The following PLPPR5 variants were observed in gnomAD, a reference collection of about 807,000 sequenced individuals.
PLPPR5 encodes phospholipid phosphatase-related protein type 5.
A neutral mutation model predicts 33.9 loss-of-function variants in PLPPR5; 16 were observed. The ratio of observed to expected loss-of-function variants is 0.47; its 90% CI spans 0.32 to 0.72. PLPPR5 has a LOEUF of 0.72. Ranked by LOEUF, PLPPR5 falls within the 30% of genes least tolerant of loss-of-function variation. The pLI is 0.03. For missense variants in PLPPR5, 301 were observed against 406.7 expected, an observed-to-expected ratio of 0.74 and a Z score of 2.23; for synonymous variants, 163 against 150.3, an observed-to-expected ratio of 1.08 and a Z score of -0.62.
At chr1:99,000,029 C>G (rs539042636) in intron 1 of PLPPR5, among the ~76,000 whole-genome samples, 1 of 152,086 alleles carries the variant, frequency 6.6e-6, no homozygotes, top group Admixed American at 6.5e-5. Flanking sequence ...TAGCTGCTAG[C>G]GGCCACTGTA....
At chr1:98,915,723 T>C (rs1273862554) in intron 4 of PLPPR5, among the ~76,000 whole-genome samples, 1 of 152,162 alleles carries the variant, frequency 6.6e-6, no homozygotes, top group Non-Finnish European at 1.5e-5. Flanking sequence ...ATTTTTGGCA[T>C]TGTTAAAAAT....
chr1:98,939,229 AT>A (rs1238311371), intron 3 of PLPPR5, among the ~76,000 whole-genome samples: 1 of 151,982 alleles, frequency 6.6e-6, no homozygotes, highest in African/African-American at 2.4e-5. Flanking sequence ...AAAATAAAAA[AT>A]AAATCAATAA....
At chr1:98,907,305 G>C (rs184046111) in intron 5 of PLPPR5, among the ~76,000 whole-genome samples, 1 of 149,554 alleles carries the variant, frequency 6.7e-6, no homozygotes. Context: ...AGGTTCAAGC[G>C]ATTCTCCTGC....
At chr1:99,004,913 T>G, upstream of PLPPR5, 21 of 174,454 alleles carry the variant, frequency 1.2e-4, no homozygotes, top group East Asian at 3.3e-4. Flanking sequence ...GCCCGCCCCC[T>G]GCCCGCCGCA....
chr1:98,952,647 A>G (rs2101211701), intron 3 of PLPPR5, among the ~76,000 whole-genome samples: 1 of 152,322 alleles, frequency 6.6e-6, no homozygotes, highest in East Asian at 1.9e-4. Flanking sequence ...CTGTAATAAT[A>G]GTGCTTTCTA....
chr1:98,929,934 C>T (rs570687586), intron 3 of PLPPR5, among the ~76,000 whole-genome samples: 14 of 152,146 alleles, frequency 9.2e-5, no homozygotes, highest in African/African-American at 2.6e-4. Context: ...GCTTGTGATA[C>T]GAGCAAAAAT....
intron 3 of PLPPR5, among the ~76,000 whole-genome samples, chr1:98,948,505 C>G (rs972460246): frequency 2.6e-5 from 4 of 152,178 alleles, no homozygotes; most frequent in African/African-American, 9.6e-5. Context: ...TTCGCTGCAC[C>G]TCCCATCTCT....
At chr1:98,962,823 T>C (rs987253996) in intron 1 of PLPPR5, among the ~76,000 whole-genome samples, 10 of 152,076 alleles carry the variant, frequency 6.6e-5, no homozygotes, top group African/African-American at 1.2e-4. Flanking sequence ...AATTAATTTC[T>C]TTTATTTTTT....
chr1:98,908,449 G>A (rs915089204), intron 5 of PLPPR5, among the ~76,000 whole-genome samples: 2 of 152,152 alleles, frequency 1.3e-5, no homozygotes, highest in Non-Finnish European at 2.9e-5. Context: ...CCTAGAAAGA[G>A]TCAGAAATTT....
chr1:98,972,617 GAACTTA>G (rs1244453381), intron 1 of PLPPR5, among the ~76,000 whole-genome samples: 1 of 151,966 alleles, frequency 6.6e-6, no homozygotes, highest in African/African-American at 2.4e-5. Context: ...ATTATTAATT[GAACTTA>G]AACTTATAAG....
At chr1:98,932,610 T>C (rs1187513613) in intron 3 of PLPPR5, among the ~76,000 whole-genome samples, 1 of 152,232 alleles carries the variant, frequency 6.6e-6, no homozygotes, top group East Asian at 1.9e-4. Flanking sequence ...AGTTACTATA[T>C]TTTGGAAATG....
chr1:98,898,776 G>C (rs1218783918), intron 5 of PLPPR5, among the ~76,000 whole-genome samples: 2 of 152,126 alleles, frequency 1.3e-5, no homozygotes, highest in Non-Finnish European at 2.9e-5. Flanking sequence ...TTTCTGTACA[G>C]TGGTTCTGTT....
At chr1:98,989,487 A>G (rs1261495965) in intron 1 of PLPPR5, among the ~76,000 whole-genome samples, 1 of 152,182 alleles carries the variant, frequency 6.6e-6, no homozygotes, top group Non-Finnish European at 1.5e-5. Flanking sequence ...AATAACAGTA[A>G]CAGAGTTGTG....
intron 1 of PLPPR5, among the ~76,000 whole-genome samples, chr1:98,988,078 T>C (rs1455983299): frequency 6.6e-6 from 1 of 152,098 alleles, no homozygotes; most frequent in Admixed American, 6.6e-5. Context: ...AAATATTGGT[T>C]ATATTACCAA....
chr1:98,987,058 C>T (rs1652288553), intron 1 of PLPPR5, among the ~76,000 whole-genome samples: 1 of 151,754 alleles, frequency 6.6e-6, no homozygotes, highest in Admixed American at 6.6e-5. Context: ...TCAATTATCA[C>T]TCTGGATAAA....
At chr1:98,965,893 A>G (rs1372455335) in intron 1 of PLPPR5, among the ~76,000 whole-genome samples, 1 of 152,234 alleles carries the variant, frequency 6.6e-6, no homozygotes, top group African/African-American at 2.4e-5. Flanking sequence ...TCAGTGTGAT[A>G]GTATTTGGCA....
intron 3 of PLPPR5, among the ~76,000 whole-genome samples, chr1:98,952,133 C>T (rs1242064298): frequency 1.3e-5 from 2 of 152,122 alleles, no homozygotes; most frequent in East Asian, 1.9e-4. Context: ...TGTGGTGGCA[C>T]ACACCTGTAG....
At chr1:98,947,125 T>C (rs1650586105) in intron 3 of PLPPR5, among the ~76,000 whole-genome samples, 1 of 152,170 alleles carries the variant, frequency 6.6e-6, no homozygotes, top group African/African-American at 2.4e-5. Context: ...CCCAGACACA[T>C]AAATATAATT....
At position 98,920,593 on chromosome 1, in the gene PLPPR5, C is replaced by CAA. The variant is rs763477562; in HGVS notation, c.798+1287_798+1288dup. 1.0e-4 allele frequency among the ~76,000 whole-genome samples: 7 copies of CAA among 69,020 alleles called. 1 individual carries two copies. Among genetic ancestry groups the CAA allele is most frequent in the African/African-American group, 2.4e-4 (5 of 21,124 alleles). The allele number at this position is 69,020 out of a possible 152,430, so 45.3% of individuals were successfully genotyped here. ...TGGGAATCACAGAGAGTGGTATCAC[C>CAA]AAAAAAAAAAAAAAAAGCAGCACAG... On this transcript the variant is annotated intron_variant, in intron 4 of 5. Coordinates refer to ENST00000263177, the MANE Select transcript of PLPPR5 (RefSeq NM_001037317.2).
Sources: gnomAD v4.1 joint callset for allele counts (sites outside exome capture counted in the v4.1 genomes callset) on GRCh38, gnomAD v4.1.1 for gene constraint, MANE v1.5 for transcripts, NCBI Gene and HGNC (gene_info 2026-07-23, HGNC 2026-07-21) for gene names.